Variants in NLRP4 observed in about 807,000 individuals in gnomAD.
The protein encoded by NLRP4 is NLR family pyrin domain containing 4, also known as NACHT, LRR and PYD domains-containing protein 4.
NLRP4 carries 44 observed loss-of-function variants against 84.7 expected under a neutral mutation model. The observed-to-expected ratio is 0.52, with a 90% CI of 0.41 to 0.67. The LOEUF is 0.67. NLRP4 is among the 30% of genes least tolerant of loss of function. NLRP4 has a pLI of 0.00. For missense variants in NLRP4, 1,260 were observed against 1,219.4 expected, an observed-to-expected ratio of 1.03 and a Z score of -0.50; for synonymous variants, 544 against 476.4, an observed-to-expected ratio of 1.14 and a Z score of -1.85.
intron 2 of NLRP4, among the ~76,000 whole-genome samples, chr19:55,857,151 G>T (rs1984466583): frequency 6.6e-6 from 1 of 152,150 alleles, no homozygotes; most frequent in South Asian, 2.1e-4. Flanking sequence ...AACTGGTCTT[G>T]ATAGTCATAT....
At chr19:55,868,039 C>T (rs980872777) in intron 6 of NLRP4, among the ~76,000 whole-genome samples, 163 bp downstream of exon 6, 13 of 152,194 alleles carry the variant, frequency 8.5e-5, no homozygotes, top group African/African-American at 7.2e-5. Flanking sequence ...GGATTTATCA[C>T]GTATATACTG....
intron 1 of NLRP4, among the ~76,000 whole-genome samples, chr19:55,849,985 AT>A (rs1983984559): frequency 3.8e-5 from 1 of 26,086 alleles, no homozygotes; most frequent in Non-Finnish European, 1.6e-4. Context: ...CTGCGGTGTA[AT>A]TTCCGAGACT....
rs1165870358 is a variant in NLRP4 at position 55,861,552 on chromosome 19, G to A, written c.2018+5G>A. 2 of 1,613,080 alleles carry A rather than the reference G, an allele frequency of 1.2e-6. No individual in the cohort carries two copies. Among genetic ancestry groups the A allele is most frequent in the Non-Finnish European group, 1.7e-6 (2 of 1,179,358 alleles). On this transcript the variant is annotated splice_donor_5th_base_variant and intron_variant, in intron 4 of 9. Coordinates refer to ENST00000301295, the MANE Select transcript of NLRP4 (RefSeq NM_134444.5). Reference sequence around the variant, plus strand: ...CTGTCGCCTTCAGAAGCTTGGGTGAGTTGAGAATCGACTTCGACTCGAGTA... The same window carrying A: ...CTGTCGCCTTCAGAAGCTTGGGTGAATTGAGAATCGACTTCGACTCGAGTA...
Position 55,861,392 on chromosome 19 carries a change from T to C in NLRP4, c.1863T>C (p.Asp621=). 6.2e-7 allele frequency: 1 copy of C among 1,613,542 alleles called. No individual in the cohort carries two copies. The highest frequency in any genetic ancestry group is 8.5e-7 in the Non-Finnish European group (1 of 1,179,662). Residue 621 remains aspartate (D), a synonymous_variant, in exon 4 of 10, where the codon GAT becomes GAC. Coordinates refer to ENST00000301295, the MANE Select transcript of NLRP4 (RefSeq NM_134444.5). ...KKEDEHSSTS[D]YSLICWHHIC... ...CGTCCTTTCTTGACCACAGGTCGGA[T>C]TACAGCCTCATCTGTTGGCATCACA...
rs776895150 is a variant in NLRP4 at position 55,867,887 on chromosome 19, G to T, written c.2354+11G>T. ...CCTGGTATACCTGATGTGAGTGGAT[G>T]TTGGGGGTGCCTACTGTGGAGGGCC... On this transcript the variant is annotated intron_variant, in intron 6 of 9. Coordinates refer to ENST00000301295, the MANE Select transcript of NLRP4 (RefSeq NM_134444.5). The T allele has an allele frequency of 9.9e-6, 16 of 1,612,522 alleles. No individual in the cohort carries two copies. Among genetic ancestry groups the T allele is most frequent in the African/African-American group, 1.3e-5 (1 of 74,916 alleles).
intron 7 of NLRP4, among the ~76,000 whole-genome samples, chr19:55,874,750 A>G (rs1040889984): frequency 2.6e-5 from 4 of 152,156 alleles, no homozygotes; most frequent in African/African-American, 4.8e-5. Context: ...TTTTGTGGCT[A>G]GCATAATCTT....
intron 7 of NLRP4, 129 bp downstream of exon 7, chr19:55,871,126 C>G (rs1265594663): frequency 1.4e-6 from 1 of 740,560 alleles, no homozygotes; most frequent in South Asian, 1.9e-5. Context: ...TTAAAAAATA[C>G]TTGCTTCAGA....
In NLRP4 at chr19:55,859,258, A is replaced by G; in HGVS notation, c.1856+9A>G. The G allele has an allele frequency of 6.4e-7, 1 of 1,574,730 alleles. No homozygotes were observed. Among genetic ancestry groups the G allele is most frequent in the Non-Finnish European group, 8.6e-7 (1 of 1,156,934 alleles). On this transcript the variant is annotated intron_variant, in intron 3 of 9. Coordinates refer to ENST00000301295, the MANE Select transcript of NLRP4 (RefSeq NM_134444.5). ...GATGAACACAGCTCTACGTGAGTCC[A>G]TCCTATGACTTTTTCTCTCTTCTCA...
chr19:55,837,040 A>T (rs1312117297), intron 1 of NLRP4, 106 bp downstream of exon 1: 6 of 152,222 alleles, frequency 3.9e-5, no homozygotes, highest in Non-Finnish European at 5.9e-5. Context: ...GTAATTCCAG[A>T]ATGTGATTTA....
rs2123034079 is a variant in NLRP4, at chr19:55,858,482, G to A, written c.1089G>A (p.Leu363=). 6.2e-7 allele frequency: 1 copy of A among 1,614,088 alleles called. No individual in the cohort carries two copies. Among genetic ancestry groups the A allele is most frequent in the South Asian group, 1.1e-5 (1 of 91,076 alleles). Residue 363 remains leucine (L), a synonymous_variant, in exon 3 of 10, where the codon CTG becomes CTA. Transcript: ENST00000301295. This position sits in a 1 kb window ranked among gnomAD's most constrained non-coding sequence, Gnocchi z 4.2. ...TGCAGAAAGGAAAAGACCTGGCCCT[G>A]ACCTGCCAGAGCACTACCTCTGTGT... ...QEMQKGKDLA[L]TCQSTTSVYS... is the part of the protein sequence containing the mutation.
intron 7 of NLRP4, among the ~76,000 whole-genome samples, chr19:55,871,891 C>G (rs1187429516): frequency 6.6e-6 from 1 of 150,978 alleles, no homozygotes; most frequent in African/African-American, 2.4e-5. Flanking sequence ...CTCTGTCAGC[C>G]CACGCTGAAG....
intron 1 of NLRP4, 99 bp from the exon 2 acceptor site, chr19:55,851,917 C>T: frequency 1.7e-6 from 1 of 585,528 alleles, no homozygotes; most frequent in Non-Finnish European, 2.9e-6. Flanking sequence ...TAACTTTCCG[C>T]CTTCATTGCC....
intron 5 of NLRP4, among the ~76,000 whole-genome samples, chr19:55,863,532 C>T (rs1399709154): frequency 6.6e-6 from 1 of 152,208 alleles, no homozygotes; most frequent in East Asian, 1.9e-4. Flanking sequence ...GACTCTGTCA[C>T]AGGAACAGCT....
At chr19:55,853,917 T>TTCTTTTTCTCTTTC (rs1568661769) in intron 2 of NLRP4, among the ~76,000 whole-genome samples, 1 of 117,138 alleles carries the variant, frequency 8.5e-6, no homozygotes, top group Non-Finnish European at 1.9e-5. Flanking sequence ...TTCTCTTTCT[T>TTCTTTTTCTCTTTC]TCTCTTTCTC....
chr19:55,851,116 TGCGGTGTAATGTCCGAGG>T, intron 1 of NLRP4, among the ~76,000 whole-genome samples: 1 of 112,444 alleles, frequency 8.9e-6, no homozygotes. Flanking sequence ...TGTCCGTGGC[TGCGGTGTAATGTCCGAGG>T]CTGCGGTGTA....
chr19:55,844,654 T>C (rs900359222), intron 1 of NLRP4, among the ~76,000 whole-genome samples: 29 of 152,296 alleles, frequency 1.9e-4, no homozygotes, highest in African/African-American at 6.7e-4. Context: ...TCATCTTACA[T>C]GTTCCAGTAC....
In NLRP4 at chr19:55,858,894, T is replaced by C. The variant is rs764517126; in HGVS notation, c.1501T>C (p.Cys501Arg). 6 of 1,614,144 alleles carry C rather than the reference T, an allele frequency of 3.7e-6. No individual in the cohort carries two copies. The East Asian group carries it at 8.9e-5, about 24-fold the overall frequency. ...GAGAGCACATTGGATTTTTTTGGGGTGTTTTCTAACTGGCCTTTTAAATAA... is the reference window on the plus strand; with the variant it reads ...GAGAGCACATTGGATTTTTTTGGGGCGTTTTCTAACTGGCCTTTTAAATAA... Reference protein sequence around the residue: ...ARRAHWIFLGCFLTGLLNKKE... With the variant: ...ARRAHWIFLGRFLTGLLNKKE... The change falls in exon 3 of 10, where the codon TGT becomes CGT. Residue 501 changes from cysteine to arginine, a missense_variant. By Grantham distance (180) the Cys-to-Arg change is radical. Transcript: ENST00000301295. This position sits in a 1 kb window ranked among gnomAD's most constrained non-coding sequence, Gnocchi z 4.2.
At chr19:55,852,470 T>G in intron 2 of NLRP4, 110 bp downstream of exon 2, 1 of 638,598 alleles carries the variant, frequency 1.6e-6, no homozygotes, top group Non-Finnish European at 2.6e-6. Flanking sequence ...TATGGGAAAA[T>G]ATTAGGTTTT....
chr19:55,869,925 CA>C (rs1319107128), intron 6 of NLRP4, among the ~76,000 whole-genome samples: 1 of 151,922 alleles, frequency 6.6e-6, no homozygotes, highest in East Asian at 1.9e-4. Flanking sequence ...CCTTTCTTGA[CA>C]AAAAAATACA....
Sources: gnomAD v4.1 joint callset for allele counts (sites outside exome capture counted in the v4.1 genomes callset) on GRCh38, gnomAD v4.1.1 for gene constraint, Gnocchi (gnomAD v3.1) non-coding constraint, MANE v1.5 for transcripts, NCBI Gene and HGNC (gene_info 2026-07-23, HGNC 2026-07-21) for gene names.